Variants in KCNMA1 observed in about 807,000 individuals in gnomAD.
KCNMA1 encodes potassium calcium-activated channel subfamily M alpha 1.
KCNMA1 carries 29 observed loss-of-function variants against 140.0 expected under a neutral mutation model. That is an observed-to-expected ratio of 0.21 (90% CI 0.15 to 0.28). The LOEUF (loss-of-function observed/expected upper bound fraction) is 0.28, where lower values mean the gene tolerates loss of function less well. Ranked by LOEUF, KCNMA1 falls within the 10% of genes least tolerant of loss-of-function variation. The pLI is 1.00. For missense variants in KCNMA1, 880 were observed against 1,602.2 expected (o/e 0.55, Z 7.70); for synonymous variants, 612 against 611.9 (o/e 1.00, Z 0.00).
chr10:77,247,780 G>A (rs963069679), intron 3 of KCNMA1, among the ~76,000 whole-genome samples: 2 of 152,150 alleles, frequency 1.3e-5, no homozygotes, highest in Admixed American at 6.6e-5. Flanking sequence ...CAAAGACTCA[G>A]TCCAGAGGCA....
chr10:77,261,354 A>G (rs558098714), intron 2 of KCNMA1, among the ~76,000 whole-genome samples: 1 of 152,268 alleles, frequency 6.6e-6, no homozygotes, highest in African/African-American at 2.4e-5. Flanking sequence ...TCCCCAAAGA[A>G]GAATCTGGGA....
chr10:77,557,741 C>T (rs1325759696), intron 1 of KCNMA1, among the ~76,000 whole-genome samples: 1 of 151,352 alleles, frequency 6.6e-6, no homozygotes, highest in Non-Finnish European at 1.5e-5. Context: ...CAACCTCCGC[C>T]TCCTGGGTTC....
intron 2 of KCNMA1, among the ~76,000 whole-genome samples, chr10:77,285,976 G>A (rs2070686734): frequency 6.6e-6 from 1 of 152,150 alleles, no homozygotes; most frequent in Admixed American, 6.5e-5. Flanking sequence ...ACAAGATGAA[G>A]GAGGAACCAG....
chr10:77,109,220 C>G lies in KCNMA1; in HGVS notation c.1132-648G>C, dbSNP rs2097262536. ...TTTATCTATAGGCACCTCACGGATG[C>G]TGTAGAAATGCTTGCGTGAATGTAC... On this transcript the variant is annotated intron_variant, in intron 8 of 27. Transcript: ENST00000286628. 2.6e-5 allele frequency among the ~76,000 whole-genome samples: 4 copies of G among 152,202 alleles called. No individual in the cohort carries two copies. In the South Asian group the frequency reaches 8.3e-4, roughly 32 times the overall value.
chr10:77,524,741 C>CAGCT (rs1273829959), intron 1 of KCNMA1, among the ~76,000 whole-genome samples: 3 of 152,180 alleles, frequency 2.0e-5, no homozygotes, highest in African/African-American at 7.2e-5. Context: ...CATTATCTAT[C>CAGCT]AGCTACCTCC....
chr10:77,547,904 G>C (rs759316601), intron 1 of KCNMA1, among the ~76,000 whole-genome samples: 13 of 152,088 alleles, frequency 8.5e-5, no homozygotes, highest in Admixed American at 4.6e-4. Flanking sequence ...TCTGTTCTGG[G>C]GTGTCTGTGG....
chr10:77,357,020 G>A (rs250709), intron 2 of KCNMA1, among the ~76,000 whole-genome samples: 31,857 of 152,062 alleles, frequency 0.21, 3,566 homozygotes, highest in Admixed American at 0.26. Context: ...ATTCTGTTAC[G>A]GAAATCCACA....
intron 2 of KCNMA1, among the ~76,000 whole-genome samples, chr10:77,378,022 G>A (rs2095235290): frequency 6.6e-6 from 1 of 152,190 alleles, no homozygotes; most frequent in African/African-American, 2.4e-5. Context: ...GGGATACAAA[G>A]ACAGAGGGGC....
rs1288649599 is a variant in KCNMA1, at chr10:76,938,146, T to C, written c.2902+6627A>G. On this transcript the variant is annotated intron_variant, in intron 23 of 27. Coordinates refer to ENST00000286628, the MANE Select transcript of KCNMA1 (RefSeq NM_001161352.2). ...CAATTCTCTTGCCTCTCTCCCTCTC[T>C]CTGAGGCTCTCCTTTGCTCCTAGAG... Among the ~76,000 whole-genome samples, 3 of 152,288 alleles carry C rather than the reference T, an allele frequency of 2.0e-5. No individual in the cohort carries two copies. In the East Asian group the frequency reaches 5.8e-4, roughly 29 times the overall value.
intron 3 of KCNMA1, among the ~76,000 whole-genome samples, chr10:77,187,310 T>C (rs139943799): frequency 6.6e-6 from 1 of 152,194 alleles, no homozygotes; most frequent in African/African-American, 2.4e-5. Context: ...CTCCACTGTT[T>C]CTTACCTTCC....
chr10:77,109,248 A>G (rs745387912), intron 8 of KCNMA1, among the ~76,000 whole-genome samples: 1 of 152,152 alleles, frequency 6.6e-6, no homozygotes, highest in Non-Finnish European at 1.5e-5. Context: ...GAATGTACAC[A>G]TGCATGTGCA....
At chr10:77,320,071 A>G (rs897595109) in intron 2 of KCNMA1, among the ~76,000 whole-genome samples, 2 of 151,228 alleles carry the variant, frequency 1.3e-5, no homozygotes, top group African/African-American at 4.9e-5. Flanking sequence ...TCTCCAGGTA[A>G]CACAATCTAC....
At chr10:77,556,502 CAAAAAA>C (rs11446237) in intron 1 of KCNMA1, among the ~76,000 whole-genome samples, 34 of 68,876 alleles carry the variant, frequency 4.9e-4, no homozygotes, top group East Asian at 1.1e-3. Flanking sequence ...GGGACTATCT[CAAAAAA>C]AAAAAAAAAA....
intron 11 of KCNMA1, among the ~76,000 whole-genome samples, chr10:77,085,495 T>G (rs2096670964): frequency 6.6e-6 from 1 of 152,204 alleles, no homozygotes; most frequent in Non-Finnish European, 1.5e-5. Flanking sequence ...AGCAATAACT[T>G]GAGTTATGTC....
intron 5 of KCNMA1, among the ~76,000 whole-genome samples, chr10:77,173,882 T>C (rs898257690): frequency 1.3e-5 from 2 of 152,120 alleles, no homozygotes; most frequent in African/African-American, 2.4e-5. Context: ...GGGGTGCTTT[T>C]GGTCATAGCG....
intron 1 of KCNMA1, among the ~76,000 whole-genome samples, chr10:77,486,272 C>T (rs1295210457): frequency 6.6e-6 from 1 of 152,146 alleles, no homozygotes; most frequent in Non-Finnish European, 1.5e-5. Flanking sequence ...TCCCCTTCCC[C>T]ACCACCAAGT....
downstream of KCNMA1, among the ~76,000 whole-genome samples, chr10:76,881,822 G>T (rs1189983838): frequency 6.6e-6 from 1 of 152,124 alleles, no homozygotes; most frequent in Non-Finnish European, 1.5e-5. Flanking sequence ...GGGGGATTTG[G>T]TTGGTCATCT....
At chr10:76,938,803 G>A (rs1259852312) in intron 23 of KCNMA1, among the ~76,000 whole-genome samples, 1 of 152,062 alleles carries the variant, frequency 6.6e-6, no homozygotes, top group African/African-American at 2.4e-5. Flanking sequence ...ACATCCCCAG[G>A]AATCTTTGCC....
chr10:77,223,086 G>A (rs1446673641), intron 3 of KCNMA1, among the ~76,000 whole-genome samples: 4 of 151,916 alleles, frequency 2.6e-5, no homozygotes, highest in Non-Finnish European at 4.4e-5. Context: ...AAACTTAACC[G>A]GGCATGGTGG....
Sources: gnomAD v4.1 joint callset for allele counts (sites outside exome capture counted in the v4.1 genomes callset) on GRCh38, gnomAD v4.1.1 for gene constraint, MANE v1.5 for transcripts, NCBI Gene and HGNC (gene_info 2026-07-23, HGNC 2026-07-21) for gene names.